CCDC85A: variants seen among roughly 807,000 people sequenced by gnomAD.
The protein encoded by CCDC85A is coiled-coil domain containing 85A, also known as coiled-coil domain-containing protein 85A.
A neutral mutation model predicts 50.2 loss-of-function variants in CCDC85A; 38 were observed. The observed-to-expected ratio is 0.76, with a 90% CI of 0.58 to 0.99. The LOEUF (loss-of-function observed/expected upper bound fraction) is 0.99, where lower values mean the gene tolerates loss of function less well. CCDC85A is among the 50% of genes least tolerant of loss of function. The probability of loss-of-function intolerance (pLI) is 0.00; values close to 1 mark genes in which losing one functional copy is unlikely to be tolerated. For missense variants in CCDC85A, 820 were observed against 742.0 expected, an observed-to-expected ratio of 1.11 and a Z score of -1.22; for synonymous variants, 366 against 301.4, an observed-to-expected ratio of 1.21 and a Z score of -2.22.
chr2:56,259,046 A>G (rs1297952888), intron 2 of CCDC85A, among the ~76,000 whole-genome samples: 2 of 152,168 alleles, frequency 1.3e-5, no homozygotes, highest in Non-Finnish European at 2.9e-5. Context: ...GTGAGGTTGG[A>G]TGTCATATGG....
intron 2 of CCDC85A, among the ~76,000 whole-genome samples, chr2:56,292,308 C>T (rs1183992609): frequency 2.0e-5 from 3 of 152,158 alleles, no homozygotes; most frequent in African/African-American, 7.2e-5. Flanking sequence ...TGGTCTCAAT[C>T]TCCTGACCTC....
At position 56,236,545 on chromosome 2, in the gene CCDC85A, C is replaced by T. The variant is rs79644866; in HGVS notation, c.1240+43105C>T. Among the ~76,000 whole-genome samples, 175 of 152,246 alleles carry T rather than the reference C, an allele frequency of 1.1e-3. 2 individuals are homozygous for T. The East Asian group carries it at 0.03, about 26-fold the overall frequency. On this transcript the variant is annotated intron_variant, in intron 2 of 5. Transcript: ENST00000407595. ...AGCAACTAATGAAGGGTAGAGGAGGCGTGAGACCTCACACTTCTTGACCTT... is the reference window on the plus strand; with the variant it reads ...AGCAACTAATGAAGGGTAGAGGAGGTGTGAGACCTCACACTTCTTGACCTT...
rs373980465 is a variant in CCDC85A at position 56,192,761 on chromosome 2, C to T, written c.561C>T (p.Ile187=). The T allele has an allele frequency of 1.2e-4, 187 of 1,613,094 alleles. No individual in the cohort carries two copies. The highest frequency in any genetic ancestry group is 2.1e-4 in the South Asian group (19 of 91,034). ...GAGCAGSRCS[I]DSQASLCQLT... is the part of the protein sequence containing the mutation. Reference sequence around the variant, plus strand: ...GCTGCGCAGGCAGCCGCTGCTCCATCGACAGCCAGGCCAGCCTGTGCCAAC... The same window carrying T: ...GCTGCGCAGGCAGCCGCTGCTCCATTGACAGCCAGGCCAGCCTGTGCCAAC... Residue 187 remains isoleucine (I), a synonymous_variant, in exon 2 of 6, where the codon ATC becomes ATT. Transcript: ENST00000407595. This position sits in a 1 kb window ranked among gnomAD's most constrained non-coding sequence, Gnocchi z 4.7.
chr2:56,248,390 G>A (rs1266394919), intron 2 of CCDC85A, among the ~76,000 whole-genome samples: 1 of 152,112 alleles, frequency 6.6e-6, no homozygotes, highest in Admixed American at 6.6e-5. Context: ...CCTTGTACCA[G>A]TATGGCCTGC....
chr2:56,268,300 A>C (rs953327639), intron 2 of CCDC85A, among the ~76,000 whole-genome samples: 1 of 152,194 alleles, frequency 6.6e-6, no homozygotes. Context: ...GGACCTTTCA[A>C]AGAAAAAAAA....
At chr2:56,373,176 C>T (rs1231824158) in intron 4 of CCDC85A, among the ~76,000 whole-genome samples, 1 of 152,044 alleles carries the variant, frequency 6.6e-6, no homozygotes, top group Non-Finnish European at 1.5e-5. Context: ...TAAACTTCAC[C>T]AGGCACTTGG....
Position 56,328,830 on chromosome 2 carries a change from C to T in CCDC85A, c.1241-14049C>T, listed in dbSNP as rs185986070. On this transcript the variant is annotated intron_variant, in intron 2 of 5. Transcript: ENST00000407595. ...GCCACTGCCCTGGCTCATGCACAAC[C>T]CACAGTCATCTCTCAGTCCAGTCCC... is the stretch of plus-strand genomic sequence containing the variant. 4.8e-3 allele frequency among the ~76,000 whole-genome samples: 738 copies of T among 152,242 alleles called. 5 individuals carry two copies. The highest frequency in any genetic ancestry group is 6.9e-3 in the Non-Finnish European group (469 of 68,010).
intron 3 of CCDC85A, among the ~76,000 whole-genome samples, chr2:56,350,626 G>A (rs1674870637): frequency 6.6e-6 from 1 of 152,092 alleles, no homozygotes; most frequent in Non-Finnish European, 1.5e-5. Context: ...TAAAGATGCT[G>A]TGATTTCCAG....
chr2:56,325,712 G>A (rs937679338), intron 2 of CCDC85A, among the ~76,000 whole-genome samples: 1 of 152,064 alleles, frequency 6.6e-6, no homozygotes, highest in African/African-American at 2.4e-5. Context: ...GTGTGTCATT[G>A]TCTTCTGTCT....
At chr2:56,244,798 G>C (rs1573090280) in intron 2 of CCDC85A, among the ~76,000 whole-genome samples, 2 of 151,984 alleles carry the variant, frequency 1.3e-5, no homozygotes, top group Admixed American at 6.6e-5. Context: ...ATCCTGCCAG[G>C]ATTGAGTCTT....
At chr2:56,353,925 T>C (rs1425090616) in intron 3 of CCDC85A, among the ~76,000 whole-genome samples, 2 of 152,224 alleles carry the variant, frequency 1.3e-5, no homozygotes, top group African/African-American at 4.8e-5. Context: ...AGACTGTGTT[T>C]CCTCAGGCCA....
intron 3 of CCDC85A, among the ~76,000 whole-genome samples, chr2:56,347,099 A>G (rs1230360070): frequency 6.6e-6 from 1 of 152,246 alleles, no homozygotes; most frequent in Non-Finnish European, 1.5e-5. Context: ...ATCAAAATAA[A>G]AAGGAACACA....
intron 2 of CCDC85A, among the ~76,000 whole-genome samples, chr2:56,205,681 T>C (rs78404246): frequency 0.011 from 1,732 of 152,312 alleles, 37 homozygotes; most frequent in African/African-American, 0.04. Context: ...TCATTTGCTT[T>C]GTATAAATCT....
intron 3 of CCDC85A, among the ~76,000 whole-genome samples, chr2:56,349,498 CAG>C (rs1674796315): frequency 2.0e-5 from 3 of 152,054 alleles, no homozygotes; most frequent in South Asian, 4.1e-4. Flanking sequence ...GAGAAAATGT[CAG>C]AGAGTATAAT....
rs1283089281 is a variant in CCDC85A at position 56,340,844 on chromosome 2, C to A, written c.1241-2035C>A. Among the ~76,000 whole-genome samples, 3 of 143,570 alleles carry A rather than the reference C, an allele frequency of 2.1e-5. No individual in the cohort carries two copies. In the Admixed American group the frequency reaches 2.2e-4, roughly 10 times the overall value. The allele number at this position is 143,570 out of a possible 152,430, so 94.2% of individuals were successfully genotyped here. A position where few individuals can be genotyped will look rare whatever the true frequency, so the allele number is the denominator to read the frequency against. ...TGAGCCGAGATCGCGCCACTGCACT[C>A]CAGCCTGGGCAACAACAGTGAAACT... On this transcript the variant is annotated intron_variant, in intron 2 of 5. Transcript: ENST00000407595.
At chr2:56,297,765 G>C (rs542315163) in intron 2 of CCDC85A, among the ~76,000 whole-genome samples, 1 of 152,174 alleles carries the variant, frequency 6.6e-6, no homozygotes, top group African/African-American at 2.4e-5. Context: ...TCGGGGACTT[G>C]GATATTGGTG....
At chr2:56,262,869 G>T (rs1573124644) in intron 2 of CCDC85A, among the ~76,000 whole-genome samples, 1 of 152,080 alleles carries the variant, frequency 6.6e-6, no homozygotes, top group African/African-American at 2.4e-5. Flanking sequence ...CAGGGCATTT[G>T]GTTTGCCCAC....
chr2:56,229,906 T>G (rs930531989), intron 2 of CCDC85A, among the ~76,000 whole-genome samples: 1 of 152,220 alleles, frequency 6.6e-6, no homozygotes, highest in Non-Finnish European at 1.5e-5. Flanking sequence ...TAATTTTGCT[T>G]TAGCATAAGC....
intron 2 of CCDC85A, among the ~76,000 whole-genome samples, chr2:56,254,085 T>C (rs1669881001): frequency 6.6e-6 from 1 of 152,182 alleles, no homozygotes; most frequent in South Asian, 2.1e-4. Flanking sequence ...TACATATATG[T>C]GCACATACAC....
Sources: gnomAD v4.1 joint callset for allele counts (sites outside exome capture counted in the v4.1 genomes callset) on GRCh38, gnomAD v4.1.1 for gene constraint, Gnocchi (gnomAD v3.1) non-coding constraint, MANE v1.5 for transcripts, NCBI Gene and HGNC (gene_info 2026-07-23, HGNC 2026-07-21) for gene names.